Variants in SUSD1 observed in about 807,000 individuals in gnomAD.
The protein encoded by SUSD1 is sushi domain containing 1.
In SUSD1, 65 loss-of-function variants were observed where a neutral mutation model predicts 86.9. The ratio of observed to expected loss-of-function variants is 0.75; its 90% confidence interval spans 0.61 to 0.92. The LOEUF is 0.92. Ranked by LOEUF, SUSD1 falls within the 40% of genes least tolerant of loss-of-function variation. The pLI is 0.00. For synonymous variants in SUSD1, 346 were observed against 350.0 expected, an observed-to-expected ratio of 0.99 and a Z score of 0.13; for missense variants, 850 against 929.7, an observed-to-expected ratio of 0.91 and a Z score of 1.11.
At chr9:112,059,923 G>C (rs550645887) in intron 13 of SUSD1, among the ~76,000 whole-genome samples, 1 of 152,220 alleles carries the variant, frequency 6.6e-6, no homozygotes, top group East Asian at 1.9e-4. Flanking sequence ...CAGTTCTTTG[G>C]AAATGATAGC....
chr9:112,169,676 T>A (rs1398828999), intron 1 of SUSD1, among the ~76,000 whole-genome samples: 1 of 77,294 alleles, frequency 1.3e-5, no homozygotes, highest in African/African-American at 3.2e-5. Context: ...AGGGTGTACC[T>A]TTTTTTTTTT....
chr9:112,080,991 C>T (rs968498164), intron 10 of SUSD1, among the ~76,000 whole-genome samples: 3 of 152,180 alleles, frequency 2.0e-5, no homozygotes, highest in East Asian at 1.9e-4. Flanking sequence ...AGAAATATTT[C>T]TTGTCCTCTG....
intron 2 of SUSD1, among the ~76,000 whole-genome samples, chr9:112,155,450 T>C (rs1275980246): frequency 1.3e-5 from 2 of 152,084 alleles, no homozygotes; most frequent in Admixed American, 6.6e-5. Context: ...AAACTTCTCA[T>C]GGGTAGAAAC....
At position 112,164,720 on chromosome 9, in the gene SUSD1, G is replaced by A. The variant is rs185432121; in HGVS notation, c.104-7107C>T. Reference sequence around the variant, plus strand: ...AGCACTTTGGGAGGCTGAGGCAGGCGGATCATGAGGTCAAGAGATTGAGAT... The same window carrying A: ...AGCACTTTGGGAGGCTGAGGCAGGCAGATCATGAGGTCAAGAGATTGAGAT... On this transcript the variant is annotated intron_variant, in intron 1 of 16. Transcript: ENST00000374270. Among the ~76,000 whole-genome samples the A allele has an allele frequency of 2.0e-3, 307 of 152,248 alleles. 1 individual carries two copies. Among genetic ancestry groups the A allele is most frequent in the Non-Finnish European group, 2.6e-3 (179 of 68,014 alleles).
intron 1 of SUSD1, among the ~76,000 whole-genome samples, chr9:112,173,115 T>C (rs1456943431): frequency 2.0e-5 from 3 of 152,108 alleles, no homozygotes; most frequent in African/African-American, 7.2e-5. Flanking sequence ...AGGAAGATCC[T>C]GAAATAGACG....
intron 1 of SUSD1, chr9:112,173,814 C>G (rs956979553): frequency 9.7e-5 from 27 of 277,876 alleles, no homozygotes; most frequent in Non-Finnish European, 1.9e-4. Context: ...CTTCTTTAGG[C>G]CCCTCTTATT....
chr9:112,132,017 T>C (rs548986317), intron 5 of SUSD1, among the ~76,000 whole-genome samples: 1 of 152,332 alleles, frequency 6.6e-6, no homozygotes, highest in African/African-American at 2.4e-5. Context: ...TAAAAATGTT[T>C]ATCCACAGGG....
intron 12 of SUSD1, among the ~76,000 whole-genome samples, chr9:112,072,154 T>TTG (rs1829308904): frequency 7.0e-6 from 1 of 143,304 alleles, no homozygotes; most frequent in Non-Finnish European, 1.5e-5. Context: ...TTTTTTTTTT[T>TTG]TTGTTTTTTT....
intron 1 of SUSD1, among the ~76,000 whole-genome samples, chr9:112,165,914 G>GAAA (rs1159086877): frequency 0.061 from 4,245 of 70,076 alleles, 130 homozygotes; most frequent in Non-Finnish European, 0.064. Context: ...AGGAAGGAAG[G>GAAA]AAGAAAGAAA....
intron 10 of SUSD1, among the ~76,000 whole-genome samples, chr9:112,086,032 A>C (rs1829960292): frequency 6.6e-6 from 1 of 152,188 alleles, no homozygotes; most frequent in Non-Finnish European, 1.5e-5. Context: ...GGCCGGGTAC[A>C]GTAGCTCACA....
At chr9:112,050,160 CT>C in intron 15 of SUSD1, among the ~76,000 whole-genome samples, 1 of 151,958 alleles carries the variant, frequency 6.6e-6, no homozygotes, top group East Asian at 1.9e-4. Context: ...AGGGGATGGA[CT>C]GGCAAAAAAA....
chr9:112,075,419 A>AT (rs1297327469), intron 12 of SUSD1, among the ~76,000 whole-genome samples: 1 of 152,158 alleles, frequency 6.6e-6, no homozygotes, highest in Non-Finnish European at 1.5e-5. Context: ...ATAAAAAAAA[A>AT]ATAAGTTTTT....
intron 10 of SUSD1, among the ~76,000 whole-genome samples, chr9:112,088,400 A>T (rs1830068534): frequency 6.6e-6 from 1 of 152,244 alleles, no homozygotes; most frequent in Non-Finnish European, 1.5e-5. Flanking sequence ...TGAGAGGAAA[A>T]GGGATGCAGA....
chr9:112,137,104 C>T (rs1832298459), intron 5 of SUSD1, among the ~76,000 whole-genome samples: 1 of 152,144 alleles, frequency 6.6e-6, no homozygotes, highest in African/African-American at 2.4e-5. Flanking sequence ...TTAAACTCCT[C>T]TGTGAAATGG....
At chr9:112,048,959 A>G (rs896341024) in intron 15 of SUSD1, among the ~76,000 whole-genome samples, 23 of 152,230 alleles carry the variant, frequency 1.5e-4, no homozygotes, top group African/African-American at 4.8e-4. Flanking sequence ...GTTTGTGTCA[A>G]ATAGAGGACT....
At chr9:112,165,687 A>C (rs555746908) in intron 1 of SUSD1, among the ~76,000 whole-genome samples, 1 of 151,796 alleles carries the variant, frequency 6.6e-6, no homozygotes, top group African/African-American at 2.4e-5. Flanking sequence ...TGGGATTACA[A>C]GTGTGAGCTA....
chr9:112,100,812 A>G (rs959549747), intron 9 of SUSD1, among the ~76,000 whole-genome samples: 2 of 150,890 alleles, frequency 1.3e-5, no homozygotes, highest in Admixed American at 6.6e-5. Flanking sequence ...AGCCTGGACG[A>G]CAGAGCAAGA....
At chr9:112,050,862 A>C (rs914148016) in intron 15 of SUSD1, among the ~76,000 whole-genome samples, 2 of 152,220 alleles carry the variant, frequency 1.3e-5, no homozygotes, top group Non-Finnish European at 2.9e-5. Flanking sequence ...GTGATTGCTC[A>C]AACCCTAAGG....
chr9:112,165,358 A>G (rs1452866041), intron 1 of SUSD1, among the ~76,000 whole-genome samples: 1 of 150,866 alleles, frequency 6.6e-6, no homozygotes, highest in Non-Finnish European at 1.5e-5. Flanking sequence ...ATTATTAACT[A>G]TAGTAAACCT....
Sources: gnomAD v4.1 joint callset for allele counts (sites outside exome capture counted in the v4.1 genomes callset) on GRCh38, gnomAD v4.1.1 for gene constraint, MANE v1.5 for transcripts, NCBI Gene and HGNC (gene_info 2026-07-23, HGNC 2026-07-21) for gene names.